Variants in MARF1 observed in about 807,000 individuals in gnomAD.
MARF1 encodes the protein limkain-b1.
Under a neutral mutation model 168.2 loss-of-function variants are expected in MARF1, and 24 were observed. The observed-to-expected ratio is 0.14, with a 90% CI of 0.10 to 0.20. MARF1 has a LOEUF of 0.20. Among genes scored for constraint, MARF1 ranks in the 10% least tolerant of loss-of-function variants. The probability of loss-of-function intolerance (pLI) is 1.00; values close to 1 mark genes in which losing one functional copy is unlikely to be tolerated. For missense variants in MARF1, 1,744 were observed against 2,143.6 expected (o/e 0.81, Z 3.68); for synonymous variants, 868 against 822.4 (o/e 1.06, Z -0.95).
intron 24 of MARF1, 26 bp downstream of exon 24, chr16:15,600,615 G>T (rs373932991): frequency 1.3e-4 from 215 of 1,613,962 alleles, no homozygotes; most frequent in Non-Finnish European, 1.2e-4. Context: ...ATTTTTTAAG[G>T]GGGGAGGGGA....
chr16:15,610,619 T>C (rs184070727), intron 19 of MARF1: 222 of 194,530 alleles, frequency 1.1e-3, no homozygotes, highest in African/African-American at 4.8e-3. Context: ...GTAAATAAAG[T>C]AGCTCAGAGT....
At chr16:15,620,202 C>T (rs577006280) in intron 13 of MARF1, among the ~76,000 whole-genome samples, 1 of 151,912 alleles carries the variant, frequency 6.6e-6, no homozygotes, top group East Asian at 1.9e-4. Context: ...ACAAAAAAAA[C>T]AAACTAAAGC....
intron 11 of MARF1, among the ~76,000 whole-genome samples, 177 bp downstream of exon 11, chr16:15,622,757 T>C (rs1280773561): frequency 2.0e-5 from 3 of 152,188 alleles, no homozygotes; most frequent in Admixed American, 6.5e-5. Flanking sequence ...GGGGCTAACA[T>C]TGTAAAAACT....
intron 16 of MARF1, among the ~76,000 whole-genome samples, chr16:15,614,292 C>G (rs1231405752): frequency 1.3e-5 from 2 of 150,400 alleles, no homozygotes; most frequent in African/African-American, 2.4e-5. Flanking sequence ...ACCATCCTTG[C>G]TAACACGGTG....
At chr16:15,610,857 T>C (rs879688119) in intron 19 of MARF1, 118 bp downstream of exon 19, 19 of 971,616 alleles carry the variant, frequency 2.0e-5, no homozygotes, top group Non-Finnish European at 3.0e-5. Flanking sequence ...CACACTGTGC[T>C]TTCTGTGGAA....
chr16:15,623,132 A>G lies in MARF1; in HGVS notation c.2271-9T>C. On this transcript the variant is annotated splice_polypyrimidine_tract_variant and intron_variant, in intron 10 of 26. Transcript: ENST00000396368. ...GGTTTGGAGACATACTCCTGCTTAAAACACACATATTGACATTATTTTAAA... is the reference window on the plus strand; with the variant it reads ...GGTTTGGAGACATACTCCTGCTTAAGACACACATATTGACATTATTTTAAA... 1 of 1,567,596 alleles carries G rather than the reference A, an allele frequency of 6.4e-7. No individual in the cohort carries two copies. The highest frequency in any genetic ancestry group is 8.7e-7 in the Non-Finnish European group (1 of 1,146,100).
At chr16:15,624,445 A>C (rs182776162) in intron 10 of MARF1, among the ~76,000 whole-genome samples, 2 of 152,294 alleles carry the variant, frequency 1.3e-5, no homozygotes, top group East Asian at 3.9e-4. Context: ...CCACCAATGC[A>C]CGGCTCGTTT....
chr16:15,635,208 A>C (rs2035504113), intron 3 of MARF1: 1 of 438,652 alleles, frequency 2.3e-6, no homozygotes, highest in African/African-American at 2.0e-5. Context: ...CCTCACACAT[A>C]TTTTACATAA....
In MARF1 at chr16:15,604,367, T is replaced by C. The variant is rs1468002466; in HGVS notation, c.4214A>G (p.Gln1405Arg). ...VADIESGRQIQLINRKSLRSL... is the reference protein window; with the variant it reads ...VADIESGRQIRLINRKSLRSL... Reference sequence around the variant, plus strand: ...TCGCAGAGACTTTCGGTTGATCAGCTGAATCTGTCTGCCAGATTCTATATC... The same window carrying C: ...TCGCAGAGACTTTCGGTTGATCAGCCGAATCTGTCTGCCAGATTCTATATC... The change falls in exon 22 of 27, where the codon CAG becomes CGG. Residue 1405 changes from glutamine (Q) to arginine (R), a missense_variant. This residue lies in a region of MARF1 where 74 missense variants were observed against 66.7 expected (regional missense o/e 1.11). Coordinates refer to ENST00000396368, the MANE Select transcript of MARF1 (RefSeq NM_014647.4). 2 of 1,613,992 alleles carry C rather than the reference T, an allele frequency of 1.2e-6. No homozygotes were observed. Among genetic ancestry groups the C allele is most frequent in the Admixed American group, 3.3e-5 (2 of 60,012 alleles).
chr16:15,625,097 G>A lies in MARF1; in HGVS notation c.2030C>T (p.Pro677Leu). 1 of 1,614,122 alleles carries A rather than the reference G, an allele frequency of 6.2e-7. No homozygotes were observed. Among genetic ancestry groups the A allele is most frequent in the Non-Finnish European group, 8.5e-7 (1 of 1,180,018 alleles). ...HQQGHLRLVV[P>L]THGNSSAAVS... ...TGCAGCACTTGAGTTACCGTGAGTG[G>A]GTACGACCAGCCTCAGGTGACCTTG... is the stretch of plus-strand genomic sequence containing the variant. The change falls in exon 9 of 27, where the codon CCC becomes CTC. Residue 677 changes from proline (P) to leucine (L), a missense_variant. By Grantham distance (98) the Pro-to-Leu change is moderately conservative. This residue lies in a region of MARF1 where 270 missense variants were observed against 260.6 expected (regional missense o/e 1.04). Transcript: ENST00000396368.
At position 15,615,971 on chromosome 16, in the gene MARF1, G is replaced by T; in HGVS notation, c.3112C>A (p.Leu1038Ile). 2 of 1,561,092 alleles carry T rather than the reference G, an allele frequency of 1.3e-6. No homozygotes were observed. The highest frequency in any genetic ancestry group is 2.4e-5 in the South Asian group (2 of 83,366). ...PDCYIAEFGD[L>I]EVVQENQGGV... ...CCTTGGTTTTCTTGCACTACTTCTA[G>T]ATCGCCAAACTCTGCAATGTAACAA... Residue 1038 changes from leucine (L) to isoleucine (I), a missense_variant, in exon 16 of 27, where the codon CTA becomes ATA. Leu to Ile is a conservative substitution (Grantham distance 5, BLOSUM62 2). This residue lies in a region of MARF1 where 543 missense variants were observed against 742.1 expected (regional missense o/e 0.73). Coordinates refer to ENST00000396368, the MANE Select transcript of MARF1 (RefSeq NM_014647.4).
At chr16:15,628,385 T>C (rs147492566) in intron 7 of MARF1, among the ~76,000 whole-genome samples, 1 of 152,084 alleles carries the variant, frequency 6.6e-6, no homozygotes, top group Non-Finnish European at 1.5e-5. Context: ...TTTACAATGA[T>C]CATACCATAC....
Position 15,608,520 on chromosome 16 carries a change from T to TTG in MARF1, c.3955-3_3955-2insCA. The TTG allele has an allele frequency of 1.2e-6, 2 of 1,605,664 alleles. No individual in the cohort carries two copies. Among genetic ancestry groups the TTG allele is most frequent in the Non-Finnish European group, 1.7e-6 (2 of 1,172,734 alleles). On this transcript the variant is annotated splice_polypyrimidine_tract_variant and splice_region_variant and intron_variant, in intron 20 of 26. Coordinates refer to ENST00000396368, the MANE Select transcript of MARF1 (RefSeq NM_014647.4). Reference sequence around the variant, plus strand: ...CTTTTCTTCTCCACATTCCAATACCTTTGAAAACACACGGGGGGAGGAAAG... The same window carrying TTG: ...CTTTTCTTCTCCACATTCCAATACCTTGTTGAAAACACACGGGGGGAGGAAAG...
intron 16 of MARF1, 144 bp downstream of exon 16, chr16:15,615,686 A>G: frequency 2.0e-6 from 1 of 496,250 alleles, no homozygotes; most frequent in South Asian, 8.6e-5. Flanking sequence ...CAAGCATTTT[A>G]GGAATTTTCA....
intron 17 of MARF1, 57 bp from the exon 18 acceptor site, chr16:15,611,791 T>G: frequency 1.4e-6 from 2 of 1,472,652 alleles, no homozygotes; most frequent in African/African-American, 1.4e-5. Context: ...GCGACTTCCT[T>G]GCTGCTGGCT....
At position 15,617,047 on chromosome 16, in the gene MARF1, T is replaced by C. The variant is rs1013690753; in HGVS notation, c.3077+5A>G. The C allele has an allele frequency of 2.5e-6, 4 of 1,609,700 alleles. No individual in the cohort carries two copies. In the Admixed American group the frequency reaches 5.1e-5, roughly 21 times the overall value. ...TATATCGACAAAGGCTTTGAGATGG[T>C]TCACCTCAATAAAGGCACGGTGCCC... On this transcript the variant is annotated splice_donor_5th_base_variant and intron_variant, in intron 15 of 26. Coordinates refer to ENST00000396368, the MANE Select transcript of MARF1 (RefSeq NM_014647.4).
rs758927908 is a variant in MARF1 at position 15,635,712 on chromosome 16, C to A, written c.775G>T (p.Val259Leu). 6.2e-7 allele frequency: 1 copy of A among 1,614,166 alleles called. No individual in the cohort carries two copies. The highest frequency in any genetic ancestry group is 8.5e-7 in the Non-Finnish European group (1 of 1,180,048). Residue 259 changes from valine to leucine, a missense_variant, in exon 3 of 27, where the codon GTG (valine) becomes TTG (leucine). Physicochemically the swap from Val to Leu is conservative, Grantham distance 32. Around this residue, in one of 7 missense-constraint regions of MARF1, gnomAD observed 318 missense variants for 336.6 expected, o/e 0.94. Transcript: ENST00000396368. ...HLCTNSLHLN[V>L]VPPVCLKGSL... is the part of the protein sequence containing the mutation. Reference sequence around the variant, plus strand: ...CCCTTTAAACAAACCGGAGGTACCACATTAAGGTGCAAAGAGTTGGTGCAC... The same window carrying A: ...CCCTTTAAACAAACCGGAGGTACCAAATTAAGGTGCAAAGAGTTGGTGCAC...
chr16:15,611,503 T>C (rs1223240090), intron 18 of MARF1, 89 bp downstream of exon 18: 1 of 1,106,958 alleles, frequency 9.0e-7, no homozygotes, highest in Non-Finnish European at 1.3e-6. Context: ...GAATGCTTAA[T>C]AGAAATACTA....
chr16:15,630,802 T>TAA (rs60835804), intron 6 of MARF1, among the ~76,000 whole-genome samples: 7 of 130,710 alleles, frequency 5.4e-5, no homozygotes, highest in East Asian at 2.2e-4. Flanking sequence ...GAGCACAAGG[T>TAA]AAAAAAAAAA....
Sources: gnomAD v4.1 joint callset for allele counts (sites outside exome capture counted in the v4.1 genomes callset) on GRCh38, gnomAD v4.1.1 for gene constraint, gnomAD v4.1.1 regional missense constraint, MANE v1.5 for transcripts, NCBI Gene and HGNC (gene_info 2026-07-23, HGNC 2026-07-21) for gene names.